THSD7B: variants seen among roughly 807,000 people sequenced by gnomAD.
THSD7B encodes thrombospondin type-1 domain-containing protein 7B.
A neutral mutation model predicts 213.6 loss-of-function variants in THSD7B; 138 were observed. That is an observed-to-expected ratio of 0.65 (90% CI 0.56 to 0.74). The LOEUF (loss-of-function observed/expected upper bound fraction) is 0.74. Among genes scored for constraint, THSD7B ranks in the 30% least tolerant of loss-of-function variants. THSD7B has a pLI of 0.00. For missense variants in THSD7B, 1,931 were observed against 1,991.5 expected, an observed-to-expected ratio of 0.97 and a Z score of 0.58; for synonymous variants, 742 against 687.0, an observed-to-expected ratio of 1.08 and a Z score of -1.25.
chr2:137,094,789 T>C (rs977979739), intron 3 of THSD7B, 84 bp from the exon 4 acceptor site: 3 of 1,497,184 alleles, frequency 2.0e-6, no homozygotes, highest in African/African-American at 2.8e-5. Flanking sequence ...ATTTCAGAGT[T>C]TTTTTTCTCA....
intron 12 of THSD7B, among the ~76,000 whole-genome samples, chr2:137,356,975 C>CAG (rs1685147992): frequency 6.9e-6 from 1 of 145,304 alleles, no homozygotes; most frequent in African/African-American, 2.7e-5. Context: ...CAGACACACA[C>CAG]ACACACACAC....
At chr2:136,972,730 A>G (rs1351900420) in intron 2 of THSD7B, among the ~76,000 whole-genome samples, 1 of 152,228 alleles carries the variant, frequency 6.6e-6, no homozygotes, top group East Asian at 1.9e-4. Flanking sequence ...AGACAGTACT[A>G]AAGGATTAAA....
intron 2 of THSD7B, among the ~76,000 whole-genome samples, chr2:136,961,514 C>T (rs1343278880): frequency 6.6e-6 from 1 of 152,070 alleles, no homozygotes; most frequent in East Asian, 1.9e-4. Context: ...GACAATGCTC[C>T]CAGCCTGTAT....
intron 1 of THSD7B, among the ~76,000 whole-genome samples, chr2:136,829,032 A>T (rs569038058): frequency 6.6e-6 from 1 of 152,274 alleles, no homozygotes; most frequent in East Asian, 1.9e-4. Context: ...TCTGCATGGA[A>T]CTGTCCCTTT....
chr2:137,234,064 A>C (rs1681705758), intron 9 of THSD7B, among the ~76,000 whole-genome samples: 1 of 152,192 alleles, frequency 6.6e-6, no homozygotes, highest in Non-Finnish European at 1.5e-5. Context: ...TTTTCTGTTC[A>C]TCATACTCTA....
intron 27 of THSD7B, among the ~76,000 whole-genome samples, chr2:137,671,182 A>C (rs1307346976): frequency 6.7e-6 from 1 of 150,374 alleles, no homozygotes; most frequent in Non-Finnish European, 1.5e-5. Flanking sequence ...ACCTATCTGC[A>C]TATATTAGGG....
At chr2:136,904,461 A>G (rs1316746211) in intron 2 of THSD7B, among the ~76,000 whole-genome samples, 1 of 152,200 alleles carries the variant, frequency 6.6e-6, no homozygotes, top group African/African-American at 2.4e-5. Context: ...CTGGTGCTAC[A>G]GGAGACAGGG....
At chr2:137,192,634 G>A (rs573307358) in intron 7 of THSD7B, among the ~76,000 whole-genome samples, 2 of 151,802 alleles carry the variant, frequency 1.3e-5, no homozygotes, top group Admixed American at 6.6e-5. Flanking sequence ...GGAATAGCAG[G>A]GCTTTTTTAA....
chr2:137,045,138 G>A (rs766533807), intron 2 of THSD7B, among the ~76,000 whole-genome samples: 1 of 152,068 alleles, frequency 6.6e-6, no homozygotes, highest in African/African-American at 2.4e-5. Context: ...ACAGGTAGAA[G>A]ATTCATTCAG....
At chr2:136,848,060 G>A (rs1683039088) in intron 1 of THSD7B, among the ~76,000 whole-genome samples, 1 of 152,144 alleles carries the variant, frequency 6.6e-6, no homozygotes, top group Admixed American at 6.6e-5. Context: ...AGCACTTTCT[G>A]CAAATACAGA....
At chr2:136,912,637 G>A (rs1347035625) in intron 2 of THSD7B, among the ~76,000 whole-genome samples, 1 of 152,150 alleles carries the variant, frequency 6.6e-6, no homozygotes, top group Non-Finnish European at 1.5e-5. Context: ...GGAGGTAATT[G>A]GATTATGGGG....
intron 13 of THSD7B, among the ~76,000 whole-genome samples, chr2:137,407,459 A>G (rs1488537305): frequency 6.6e-6 from 1 of 152,162 alleles, no homozygotes; most frequent in African/African-American, 2.4e-5. Context: ...TAAAACAGTA[A>G]AATGAATCAT....
intron 2 of THSD7B, among the ~76,000 whole-genome samples, chr2:136,925,075 G>A (rs1278835560): frequency 3.3e-5 from 5 of 152,142 alleles, no homozygotes; most frequent in African/African-American, 1.2e-4. Flanking sequence ...GTGTGTGTGT[G>A]TGAAATCTTT....
At chr2:137,093,755 T>C (rs1687992550) in intron 3 of THSD7B, among the ~76,000 whole-genome samples, 1 of 151,364 alleles carries the variant, frequency 6.6e-6, no homozygotes, top group African/African-American at 2.4e-5. Context: ...ACATTATCTT[T>C]TTTTTTAATT....
At chr2:137,660,880 G>A (rs936284445) in intron 25 of THSD7B, among the ~76,000 whole-genome samples, 3 of 152,054 alleles carry the variant, frequency 2.0e-5, no homozygotes, top group Non-Finnish European at 4.4e-5. Flanking sequence ...CTAAACTATA[G>A]GCTGTTAACT....
chr2:137,631,058 T>G (rs1050728497), intron 20 of THSD7B, among the ~76,000 whole-genome samples: 4 of 152,334 alleles, frequency 2.6e-5, no homozygotes, highest in African/African-American at 9.6e-5. Flanking sequence ...GAGCTCTTAC[T>G]TTATCTTCCA....
intron 1 of THSD7B, among the ~76,000 whole-genome samples, chr2:136,841,446 A>G (rs917792198): frequency 4.6e-5 from 7 of 151,792 alleles, no homozygotes; most frequent in Non-Finnish European, 1.0e-4. Flanking sequence ...ATACAAAAAA[A>G]AATAGCTGGA....
chr2:136,869,413 G>A (rs946807700), intron 1 of THSD7B, among the ~76,000 whole-genome samples: 1 of 152,114 alleles, frequency 6.6e-6, no homozygotes, highest in Non-Finnish European at 1.5e-5. Flanking sequence ...CCATTTGTCT[G>A]TAAACTAAAT....
At chr2:137,400,828 G>T (rs1333907652) in intron 12 of THSD7B, among the ~76,000 whole-genome samples, 2 of 152,174 alleles carry the variant, frequency 1.3e-5, no homozygotes, top group Non-Finnish European at 2.9e-5. Flanking sequence ...AACCCCAGGG[G>T]TGTGGATCCT....
Sources: allele counts gnomAD v4.1 joint callset (sites outside exome capture counted in the v4.1 genomes callset), GRCh38; gene constraint gnomAD v4.1.1; transcripts MANE v1.5; gene names NCBI Gene and HGNC (gene_info 2026-07-23, HGNC 2026-07-21).